The following FMN2 variants were observed in gnomAD, a reference collection of about 807,000 sequenced individuals.
FMN2 encodes the protein formin-2.
Under a neutral mutation model 142.3 loss-of-function variants are expected in FMN2, and 51 were observed. That is an observed-to-expected ratio of 0.36 (90% CI 0.29 to 0.45). FMN2 has a LOEUF of 0.45. Among genes scored for constraint, FMN2 ranks in the 20% least tolerant of loss-of-function variants. The pLI, the probability that FMN2 is intolerant of heterozygous loss-of-function variation, is 1.00. For synonymous variants in FMN2, 882 were observed against 869.8 expected (o/e 1.01, Z -0.25); for missense variants, 1,936 against 2,122.8 (o/e 0.91, Z 1.73).
At chr1:240,360,191 A>G (rs2103052886) in intron 14 of FMN2, among the ~76,000 whole-genome samples, 1 of 152,244 alleles carries the variant, frequency 6.6e-6, no homozygotes, top group Admixed American at 6.5e-5. Context: ...ATTTGTTTAT[A>G]TCATCCCTTC....
At chr1:240,343,325 T>C in intron 13 of FMN2, among the ~76,000 whole-genome samples, 1 of 152,216 alleles carries the variant, frequency 6.6e-6, no homozygotes, top group East Asian at 1.9e-4. Context: ...CTTTAGTGAT[T>C]GCATAACTGC....
chr1:240,396,771 C>A (rs547110418), intron 15 of FMN2, among the ~76,000 whole-genome samples: 24 of 152,302 alleles, frequency 1.6e-4, no homozygotes, highest in Admixed American at 3.9e-4. Flanking sequence ...TGCGTTCCTG[C>A]AAAGGACATG....
intron 6 of FMN2, 50 bp downstream of exon 6, chr1:240,211,285 G>T (rs1377919161): frequency 1.3e-6 from 2 of 1,565,988 alleles, no homozygotes; most frequent in Non-Finnish European, 1.7e-6. Context: ...TGGCATAAGT[G>T]TGAACTGTCA....
At position 240,177,957 on chromosome 1, in the gene FMN2, C is replaced by T. The variant is rs758087582; in HGVS notation, c.1819C>T (p.Pro607Ser). The change falls in exon 3 of 18, where the codon CCC becomes TCC. Residue 607 changes from proline to serine, a missense_variant. Transcript: ENST00000319653. ...TTATACCTGGGCTGCAGTTAGTCAA[C>T]CCACACACTCATTGGACTATTCAGA... ...QLYTWAAVSQ[P>S]THSLDYSEGQ... 1 of 1,606,070 alleles carries T rather than the reference C, an allele frequency of 6.2e-7. No homozygotes were observed. Among genetic ancestry groups the T allele is most frequent in the Non-Finnish European group, 8.5e-7 (1 of 1,177,498 alleles).
intron 8 of FMN2, among the ~76,000 whole-genome samples, chr1:240,324,865 A>G (rs2103006108): frequency 6.6e-6 from 1 of 152,292 alleles, no homozygotes; most frequent in East Asian, 1.9e-4. Context: ...TTAAATAATG[A>G]ATATTCACTG....
chr1:240,214,856 A>G (rs1666834165), intron 6 of FMN2, among the ~76,000 whole-genome samples: 1 of 152,190 alleles, frequency 6.6e-6, no homozygotes, highest in South Asian at 2.1e-4. Flanking sequence ...GCTTGAGCCC[A>G]GGATTTCGAG....
chr1:240,302,897 C>T (rs961692364), intron 8 of FMN2, among the ~76,000 whole-genome samples: 3 of 152,098 alleles, frequency 2.0e-5, no homozygotes, highest in African/African-American at 7.2e-5. Flanking sequence ...TGTTAGCTGA[C>T]ACTTTTCCCA....
At chr1:240,356,395 A>G (rs894272326) in intron 14 of FMN2, among the ~76,000 whole-genome samples, 3 of 152,108 alleles carry the variant, frequency 2.0e-5, no homozygotes, top group Non-Finnish European at 4.4e-5. Flanking sequence ...GGATACGCCA[A>G]TACCTCTGGA....
chr1:240,242,873 CTG>C (rs1667958584), intron 6 of FMN2, among the ~76,000 whole-genome samples: 1 of 152,208 alleles, frequency 6.6e-6, no homozygotes. Flanking sequence ...AATTAGCAAA[CTG>C]TAATTCTGCT....
intron 2 of FMN2, among the ~76,000 whole-genome samples, chr1:240,149,856 A>G (rs533852805): frequency 3.3e-5 from 5 of 152,340 alleles, no homozygotes; most frequent in South Asian, 4.1e-4. Context: ...AATTTTTGAA[A>G]TTAGAGAGTA....
chr1:240,436,502 C>T (rs1356439227), intron 15 of FMN2, among the ~76,000 whole-genome samples: 1 of 151,936 alleles, frequency 6.6e-6, no homozygotes, highest in Non-Finnish European at 1.5e-5. Context: ...GCAAACTCAC[C>T]TTAAAGATCT....
At chr1:240,252,560 T>TTC (rs1234642217) in intron 6 of FMN2, among the ~76,000 whole-genome samples, 6 of 151,460 alleles carry the variant, frequency 4.0e-5, no homozygotes, top group Non-Finnish European at 7.4e-5. Flanking sequence ...TTTTTTTTTT[T>TTC]CAGCTCTTTG....
At position 240,299,244 on chromosome 1, in the gene FMN2, G is replaced by A. The variant is rs190641383; in HGVS notation, c.4215+4361G>A. Among the ~76,000 whole-genome samples, 427 of 152,160 alleles carry A rather than the reference G, an allele frequency of 2.8e-3. 2 individuals carry two copies. Among genetic ancestry groups the A allele is most frequent in the South Asian group, 0.017 (82 of 4,824 alleles). On this transcript the variant is annotated intron_variant, in intron 8 of 17. Transcript: ENST00000319653. ...ATTACAGGCGTGAGCCACCACACAT[G>A]GCCTGAGTTTTTATATTCCATATTG... is the stretch of plus-strand genomic sequence containing the variant.
At chr1:240,192,176 T>C (rs1665725034) in intron 4 of FMN2, among the ~76,000 whole-genome samples, 1 of 152,206 alleles carries the variant, frequency 6.6e-6, no homozygotes, top group Admixed American at 6.5e-5. Context: ...TCTGTTATAG[T>C]ACTCTTTATG....
intron 14 of FMN2, among the ~76,000 whole-genome samples, chr1:240,359,744 T>C (rs1455120690): frequency 1.3e-5 from 2 of 152,246 alleles, no homozygotes; most frequent in East Asian, 1.9e-4. Context: ...GTGCTAGATA[T>C]GTACCCTCCT....
At chr1:240,444,641 A>C (rs1291168211) in intron 16 of FMN2, among the ~76,000 whole-genome samples, 1 of 152,214 alleles carries the variant, frequency 6.6e-6, no homozygotes, top group Non-Finnish European at 1.5e-5. Context: ...GTCTTGTTTC[A>C]GCCCAGCTGA....
chr1:240,177,437 G>A (rs1339007033), intron 2 of FMN2, among the ~76,000 whole-genome samples: 2 of 151,000 alleles, frequency 1.3e-5, no homozygotes, highest in African/African-American at 4.9e-5. Flanking sequence ...CTGGACCCCA[G>A]ATAAGTCGGT....
intron 15 of FMN2, among the ~76,000 whole-genome samples, chr1:240,410,883 C>T (rs560674665): frequency 6.6e-6 from 1 of 152,270 alleles, no homozygotes; most frequent in East Asian, 1.9e-4. Flanking sequence ...AAGCAGCAGC[C>T]TCCTGCCCTA....
chr1:240,356,936 C>T (rs1288709016), intron 14 of FMN2, among the ~76,000 whole-genome samples: 2 of 152,150 alleles, frequency 1.3e-5, no homozygotes, highest in South Asian at 2.1e-4. Flanking sequence ...TCATAAATCA[C>T]GTTGAATGTC....
Sources: gnomAD v4.1 joint callset for allele counts (sites outside exome capture counted in the v4.1 genomes callset) on GRCh38, gnomAD v4.1.1 for gene constraint, MANE v1.5 for transcripts, NCBI Gene and HGNC (gene_info 2026-07-23, HGNC 2026-07-21) for gene names.